Variants in SUPT3H observed in about 807,000 individuals in gnomAD.
SUPT3H encodes transcription initiation protein SPT3 homolog.
A neutral mutation model predicts 44.3 loss-of-function variants in SUPT3H; 44 were observed. That is an observed-to-expected ratio of 0.99 (90% CI 0.78 to 1.28). The LOEUF is 1.28. SUPT3H is among the 50% of genes most tolerant of loss of function. SUPT3H has a pLI of 0.00. For synonymous variants in SUPT3H, 124 were observed against 125.6 expected, an observed-to-expected ratio of 0.99 and a Z score of 0.09; for missense variants, 380 against 387.1, an observed-to-expected ratio of 0.98 and a Z score of 0.15.
intron 5 of SUPT3H, among the ~76,000 whole-genome samples, chr6:45,011,375 A>G (rs1783461904): frequency 6.6e-6 from 1 of 152,036 alleles, no homozygotes; most frequent in Non-Finnish European, 1.5e-5. Flanking sequence ...CAGATTTTCC[A>G]TTCCTTCTTG....
chr6:45,106,546 A>T (rs115898925), intron 2 of SUPT3H, among the ~76,000 whole-genome samples: 17,499 of 150,834 alleles, frequency 0.12, 1,174 homozygotes, highest in African/African-American at 0.18. Flanking sequence ...TATTTTTTTT[A>T]TTTTTTTTGA....
chr6:45,271,769 C>G (rs1005269876), intron 2 of SUPT3H, among the ~76,000 whole-genome samples: 10 of 152,132 alleles, frequency 6.6e-5, no homozygotes, highest in African/African-American at 2.4e-4. Flanking sequence ...CTTGCATTGT[C>G]CATCTGGAAA....
chr6:45,224,710 A>C (rs1344135384), intron 2 of SUPT3H, among the ~76,000 whole-genome samples: 1 of 150,458 alleles, frequency 6.6e-6, no homozygotes, highest in Non-Finnish European at 1.5e-5. Flanking sequence ...CCTGGGAGGC[A>C]GAGGTTGCAG....
intron 2 of SUPT3H, among the ~76,000 whole-genome samples, chr6:45,220,820 C>A (rs917113131): frequency 4.6e-5 from 7 of 152,162 alleles, no homozygotes; most frequent in Non-Finnish European, 7.4e-5. Context: ...TGTGGCGATT[C>A]CTCAAGGATC....
At chr6:45,179,197 A>C (rs1812626173) in intron 2 of SUPT3H, among the ~76,000 whole-genome samples, 1 of 152,228 alleles carries the variant, frequency 6.6e-6, no homozygotes, top group African/African-American at 2.4e-5. Flanking sequence ...TGAATCTCTG[A>C]ACAGACCAAT....
intron 3 of SUPT3H, among the ~76,000 whole-genome samples, chr6:45,051,832 T>C (rs921733948): frequency 1.3e-5 from 2 of 152,146 alleles, no homozygotes; most frequent in African/African-American, 2.4e-5. Flanking sequence ...GAGGTGGTGA[T>C]TGGAGAGTAG....
intron 2 of SUPT3H, among the ~76,000 whole-genome samples, chr6:45,178,049 G>T (rs1812331679): frequency 6.6e-6 from 1 of 152,038 alleles, no homozygotes. Context: ...ATAATGACAG[G>T]ATCAAATTCA....
At chr6:44,878,400 A>C (rs541550183) in intron 10 of SUPT3H, among the ~76,000 whole-genome samples, 1 of 152,322 alleles carries the variant, frequency 6.6e-6, no homozygotes, top group African/African-American at 2.4e-5. Context: ...CTCCTATCAT[A>C]AATCGTGAGA....
At chr6:45,200,269 A>G (rs1762272192) in intron 2 of SUPT3H, among the ~76,000 whole-genome samples, 1 of 151,458 alleles carries the variant, frequency 6.6e-6, no homozygotes, top group Non-Finnish European at 1.5e-5. Flanking sequence ...ATGTTCTCTA[A>G]TTGTATTATC....
At chr6:45,256,153 A>G (rs1168057159) in intron 2 of SUPT3H, among the ~76,000 whole-genome samples, 1 of 152,240 alleles carries the variant, frequency 6.6e-6, no homozygotes, top group Non-Finnish European at 1.5e-5. Flanking sequence ...CCTGGGCGAC[A>G]GTGCAAGACT....
intron 2 of SUPT3H, among the ~76,000 whole-genome samples, chr6:45,192,263 T>C (rs1276316205): frequency 6.6e-6 from 1 of 152,140 alleles, no homozygotes. Flanking sequence ...CTGGCTGTAA[T>C]ATAGATTTTG....
At chr6:44,942,266 T>C (rs1296138122) in intron 9 of SUPT3H, among the ~76,000 whole-genome samples, 3 of 151,942 alleles carry the variant, frequency 2.0e-5, no homozygotes, top group Non-Finnish European at 4.4e-5. Context: ...GTACAATAGC[T>C]GAAATTCTTA....
chr6:45,369,417 A>G (rs994911216), intron 1 of SUPT3H, among the ~76,000 whole-genome samples: 8 of 152,198 alleles, frequency 5.3e-5, no homozygotes, highest in Non-Finnish European at 1.2e-4. Context: ...ATATTAGTTT[A>G]ATATTAAATT....
rs527653748 is a variant in SUPT3H, at chr6:44,885,848, AAAG to A, written c.912+46802_912+46804del. On this transcript the variant is annotated intron_variant, in intron 10 of 10. Transcript: ENST00000371459. ...ACAGGAGGAAATTCAAACCAAAGGC[AAAG>A]AAGGTGAAAACTTTGAAAAAAATTT... Among the ~76,000 whole-genome samples, 324 of 152,314 alleles carry A rather than the reference AAAG, an allele frequency of 2.1e-3. 1 individual carries two copies. The highest frequency in any genetic ancestry group is 7.1e-3 in the African/African-American group (294 of 41,558).
At chr6:45,215,933 T>C (rs1282079171) in intron 2 of SUPT3H, among the ~76,000 whole-genome samples, 2 of 152,088 alleles carry the variant, frequency 1.3e-5, no homozygotes, top group African/African-American at 4.8e-5. Context: ...AAGACAAGTG[T>C]CAAGTCACAT....
intron 9 of SUPT3H, among the ~76,000 whole-genome samples, chr6:44,939,182 C>T (rs1771985660): frequency 6.6e-6 from 1 of 152,128 alleles, no homozygotes. Flanking sequence ...TTTTCCACTT[C>T]AGTATGATGT....
intron 2 of SUPT3H, among the ~76,000 whole-genome samples, chr6:45,248,151 C>A (rs1363139666): frequency 6.6e-6 from 1 of 151,722 alleles, no homozygotes; most frequent in Non-Finnish European, 1.5e-5. Flanking sequence ...AGAGAAAAAA[C>A]TGAAGAAAAT....
chr6:45,003,681 A>T lies in SUPT3H; in HGVS notation c.476T>A (p.Ile159Asn). ...CATTCTTTCTTGTTTAACTTCATCA[A>T]TTTCGTCATCTTCAAACATTGCTAA... ...ELLAMFEDDE[I>N]DEVKQERMER... The change falls in exon 6 of 11, where the codon ATT becomes AAT. Residue 159 changes from isoleucine to asparagine, a missense_variant. Coordinates refer to ENST00000371459, the MANE Select transcript of SUPT3H (RefSeq NM_003599.4). 1 of 1,613,678 alleles carries T rather than the reference A, an allele frequency of 6.2e-7. No homozygotes were observed. The highest frequency in any genetic ancestry group is 8.5e-7 in the Non-Finnish European group (1 of 1,179,774).
At chr6:44,873,557 A>C (rs976031165) in intron 10 of SUPT3H, among the ~76,000 whole-genome samples, 1 of 46,718 alleles carries the variant, frequency 2.1e-5, no homozygotes, top group African/African-American at 7.1e-5. Flanking sequence ...GGAAAGATCC[A>C]AAATTGACAC....
Sources: allele counts gnomAD v4.1 joint callset (sites outside exome capture counted in the v4.1 genomes callset), GRCh38; gene constraint gnomAD v4.1.1; transcripts MANE v1.5; gene names NCBI Gene and HGNC (gene_info 2026-07-23, HGNC 2026-07-21).